EDIL3: variants seen among roughly 807,000 people sequenced by gnomAD.
EDIL3 encodes EGF-like repeat and discoidin I-like domain-containing protein 3.
A neutral mutation model predicts 67.4 loss-of-function variants in EDIL3; 37 were observed. The observed-to-expected ratio is 0.55, with a 90% CI of 0.42 to 0.72. The LOEUF is 0.72. EDIL3 is among the 30% of genes least tolerant of loss of function. The pLI is 0.00. For synonymous variants in EDIL3, 195 were observed against 196.3 expected, an observed-to-expected ratio of 0.99 and a Z score of 0.05; for missense variants, 527 against 586.3, an observed-to-expected ratio of 0.90 and a Z score of 1.04.
chr5:83,966,025 G>A (rs942197584), intron 9 of EDIL3, among the ~76,000 whole-genome samples: 1 of 152,058 alleles, frequency 6.6e-6, no homozygotes, highest in Admixed American at 6.6e-5. Context: ...AATTCGCCAT[G>A]TAGAATGATT....
chr5:84,381,060 A>G (rs569313073), intron 1 of EDIL3, among the ~76,000 whole-genome samples: 169 of 152,258 alleles, frequency 1.1e-3, no homozygotes, highest in Non-Finnish European at 1.9e-3. Flanking sequence ...ACATTTGCCT[A>G]CTTTTGAAGA....
intron 5 of EDIL3, among the ~76,000 whole-genome samples, chr5:84,125,929 G>A (rs1246068181): frequency 6.6e-6 from 1 of 151,954 alleles, no homozygotes; most frequent in Admixed American, 6.6e-5. Context: ...AGGGGATGTG[G>A]GGGTGAACAG....
At chr5:84,309,612 C>T (rs1288429029) in intron 1 of EDIL3, among the ~76,000 whole-genome samples, 7 of 151,530 alleles carry the variant, frequency 4.6e-5, no homozygotes, top group East Asian at 2.0e-4. Context: ...TTTGTCCTTG[C>T]GATAGTTTAC....
At chr5:84,191,595 T>TTC (rs199834411) in intron 3 of EDIL3, among the ~76,000 whole-genome samples, 1,574 of 152,224 alleles carry the variant, frequency 0.01, 28 homozygotes, top group African/African-American at 0.032. Flanking sequence ...TCTTGTAGAA[T>TTC]TCTGTTAAGT....
intron 6 of EDIL3, among the ~76,000 whole-genome samples, chr5:84,073,012 G>T (rs1746770461): frequency 6.6e-6 from 1 of 152,256 alleles, no homozygotes; most frequent in East Asian, 1.9e-4. Flanking sequence ...GACAATCTGG[G>T]AGAAGATATC....
chr5:84,111,401 A>T (rs1747562423), intron 5 of EDIL3, among the ~76,000 whole-genome samples: 1 of 152,108 alleles, frequency 6.6e-6, no homozygotes. Flanking sequence ...TCTAATACGG[A>T]TAGGCAAATT....
intron 2 of EDIL3, among the ~76,000 whole-genome samples, chr5:84,230,412 T>TC (rs1464203713): frequency 7.5e-4 from 109 of 145,130 alleles, no homozygotes; most frequent in Non-Finnish European, 1.3e-3. Context: ...GGACTTTTCT[T>TC]TTTTTTTTTT....
chr5:84,340,540 A>C (rs943800810), intron 1 of EDIL3, among the ~76,000 whole-genome samples: 21,070 of 51,416 alleles, frequency 0.41, 2,891 homozygotes, highest in Non-Finnish European at 0.46. Flanking sequence ...CTCTCTATAT[A>C]TATATATATA....
intron 3 of EDIL3, among the ~76,000 whole-genome samples, chr5:84,203,773 A>G (rs1743897996): frequency 6.6e-6 from 1 of 152,218 alleles, no homozygotes; most frequent in African/African-American, 2.4e-5. Flanking sequence ...CTTTTAGAAA[A>G]TGTCAACATT....
intron 1 of EDIL3, among the ~76,000 whole-genome samples, chr5:84,355,101 C>T (rs186459166): frequency 6.6e-6 from 1 of 152,306 alleles, no homozygotes; most frequent in East Asian, 1.9e-4. Flanking sequence ...TCCATTCTCC[C>T]TGTCACTTTC....
intron 3 of EDIL3, among the ~76,000 whole-genome samples, chr5:84,223,495 A>T (rs1329593240): frequency 6.6e-6 from 1 of 151,716 alleles, no homozygotes; most frequent in Non-Finnish European, 1.5e-5. Context: ...ACCCGGAGGA[A>T]TTATGCAAAG....
At chr5:84,153,889 A>G (rs527690042) in intron 4 of EDIL3, among the ~76,000 whole-genome samples, 44 of 152,272 alleles carry the variant, frequency 2.9e-4, no homozygotes, top group African/African-American at 1.0e-3. Context: ...ATGGCATACG[A>G]TACTCATGTA....
chr5:84,311,959 C>T (rs917478304), intron 1 of EDIL3, among the ~76,000 whole-genome samples: 5 of 152,014 alleles, frequency 3.3e-5, no homozygotes, highest in African/African-American at 1.2e-4. Flanking sequence ...GTGTCTACCT[C>T]TTTCTACACA....
chr5:84,082,782 A>G (rs1746993059), intron 6 of EDIL3, among the ~76,000 whole-genome samples: 1 of 150,968 alleles, frequency 6.6e-6, no homozygotes, highest in African/African-American at 2.4e-5. Flanking sequence ...GTATCAATAA[A>G]CTAAATATTC....
At chr5:83,954,199 T>TA (rs1744468345) in intron 10 of EDIL3, among the ~76,000 whole-genome samples, 1 of 151,686 alleles carries the variant, frequency 6.6e-6, no homozygotes, top group Non-Finnish European at 1.5e-5. Flanking sequence ...CATTTTTTTT[T>TA]ATCATATAAT....
At chr5:84,331,506 T>A (rs62360113) in intron 1 of EDIL3, among the ~76,000 whole-genome samples, 1,667 of 152,294 alleles carry the variant, frequency 0.011, 21 homozygotes, top group Middle Eastern at 0.044. Context: ...GCCCTGCCTT[T>A]GCTCTGCACT....
intron 1 of EDIL3, among the ~76,000 whole-genome samples, chr5:84,364,573 A>C (rs933962225): frequency 6.6e-6 from 1 of 152,070 alleles, no homozygotes; most frequent in Admixed American, 6.6e-5. Context: ...TACAGGTAAG[A>C]CTCCTAATCA....
At chr5:84,117,579 CAT>C (rs1051779728) in intron 5 of EDIL3, among the ~76,000 whole-genome samples, 1 of 150,232 alleles carries the variant, frequency 6.7e-6, no homozygotes, top group African/African-American at 2.5e-5. Context: ...TTCTTATAAA[CAT>C]ATTAAAAATA....
At chr5:84,199,473 C>A (rs1241363127) in intron 3 of EDIL3, among the ~76,000 whole-genome samples, 1 of 151,708 alleles carries the variant, frequency 6.6e-6, no homozygotes, top group Admixed American at 6.6e-5. Context: ...TCACTATTAA[C>A]CAAAAGCAGG....
Sources: gnomAD v4.1 joint callset for allele counts (sites outside exome capture counted in the v4.1 genomes callset) on GRCh38, gnomAD v4.1.1 for gene constraint, MANE v1.5 for transcripts, NCBI Gene and HGNC (gene_info 2026-07-23, HGNC 2026-07-21) for gene names.